RNFT2: variants seen among roughly 807,000 people sequenced by gnomAD.
The protein encoded by RNFT2 is E3 ubiquitin-protein ligase RNFT2.
A neutral mutation model predicts 53.0 loss-of-function variants in RNFT2; 36 were observed. That is an observed-to-expected ratio of 0.68 (90% CI 0.52 to 0.90). The LOEUF (loss-of-function observed/expected upper bound fraction) is 0.90. Ranked by LOEUF, RNFT2 falls within the 40% of genes least tolerant of loss-of-function variation. RNFT2 has a pLI of 0.00. For missense variants in RNFT2, 514 were observed against 585.6 expected (o/e 0.88, Z 1.26); for synonymous variants, 260 against 253.2 (o/e 1.03, Z -0.26).
intron 6 of RNFT2, among the ~76,000 whole-genome samples, chr12:116,776,617 C>T (rs1465383421): frequency 5.3e-5 from 8 of 152,260 alleles, no homozygotes; most frequent in African/African-American, 1.9e-4. Flanking sequence ...CAGACCAATC[C>T]GTTCTTAGGA....
intron 7 of RNFT2, among the ~76,000 whole-genome samples, chr12:116,816,375 C>T (rs937529347): frequency 3.3e-5 from 5 of 152,196 alleles, no homozygotes; most frequent in African/African-American, 1.2e-4. Flanking sequence ...CCCAGCAACT[C>T]TTTTGGGGCC....
chr12:116,751,200 G>T (rs1246585235), intron 4 of RNFT2, among the ~76,000 whole-genome samples: 2 of 151,884 alleles, frequency 1.3e-5, no homozygotes, highest in East Asian at 1.9e-4. Flanking sequence ...ACAGGTATGA[G>T]CCACTGCCCC....
intron 7 of RNFT2, among the ~76,000 whole-genome samples, chr12:116,816,494 T>A (rs879316539): frequency 6.6e-6 from 1 of 152,114 alleles, no homozygotes; most frequent in Non-Finnish European, 1.5e-5. Context: ...AGAGGATCTT[T>A]ATAGGAAATT....
chr12:116,836,605 G>A (rs1288864625), intron 10 of RNFT2, among the ~76,000 whole-genome samples: 1 of 152,080 alleles, frequency 6.6e-6, no homozygotes. Context: ...CTCTCTCTGA[G>A]CCTTGGTTTT....
rs184610898 is a variant in RNFT2 at position 116,785,818 on chromosome 12, A to G, written c.882+6470A>G. Among the ~76,000 whole-genome samples the G allele has an allele frequency of 1.7e-3, 258 of 152,134 alleles. 1 individual carries two copies. Among genetic ancestry groups the G allele is most frequent in the African/African-American group, 5.7e-3 (235 of 41,514 alleles). On this transcript the variant is annotated intron_variant, in intron 7 of 10. Transcript: ENST00000257575. ...AATCCCAGCACTTTGGGAGGCCAAG[A>G]TGGGTGGATCGCTCGAGTTCATGAG...
intron 7 of RNFT2, among the ~76,000 whole-genome samples, chr12:116,802,831 A>G (rs990556546): frequency 6.6e-6 from 1 of 152,182 alleles, no homozygotes; most frequent in Non-Finnish European, 1.5e-5. Flanking sequence ...GCAGTGGCTC[A>G]TGCCTGTAAT....
At chr12:116,771,059 G>C (rs1197478245) in intron 6 of RNFT2, among the ~76,000 whole-genome samples, 3 of 152,092 alleles carry the variant, frequency 2.0e-5, no homozygotes, top group African/African-American at 7.2e-5. Context: ...GAATGGTTAT[G>C]GCAGAGACCA....
intron 7 of RNFT2, among the ~76,000 whole-genome samples, chr12:116,828,326 G>A (rs1876452223): frequency 1.3e-5 from 2 of 152,312 alleles, no homozygotes; most frequent in Middle Eastern, 3.4e-3. Flanking sequence ...AGGCCTAAGA[G>A]CCTGCATTTC....
At chr12:116,779,721 C>T (rs1426951236) in intron 7 of RNFT2, among the ~76,000 whole-genome samples, 1 of 152,210 alleles carries the variant, frequency 6.6e-6, no homozygotes, top group African/African-American at 2.4e-5. Flanking sequence ...CTCTTCGTGG[C>T]TTCCAGGAGT....
chr12:116,829,502 G>C (rs140076656), intron 7 of RNFT2, among the ~76,000 whole-genome samples: 2,981 of 152,300 alleles, frequency 0.02, 56 homozygotes, highest in Middle Eastern at 0.037. Context: ...AATCAGGCAG[G>C]GGGTGAGTGA....
At chr12:116,798,130 C>T (rs1874593691) in intron 7 of RNFT2, among the ~76,000 whole-genome samples, 1 of 151,686 alleles carries the variant, frequency 6.6e-6, no homozygotes, top group South Asian at 2.1e-4. Flanking sequence ...GGAACACTGA[C>T]AGGCACAGAG....
rs1485471598 is a variant in RNFT2, at chr12:116,828,350, G to C, written c.883-5442G>C. ...AGCCTGCATTTCTAACCAGCTCCCA[G>C]GCGATGCTGATGGTGCTGGTTCATG... On this transcript the variant is annotated intron_variant, in intron 7 of 10. Coordinates refer to ENST00000257575, the MANE Select transcript of RNFT2 (RefSeq NM_001382266.1). Among the ~76,000 whole-genome samples, 3 of 152,198 alleles carry C rather than the reference G, an allele frequency of 2.0e-5. No individual in the cohort carries two copies. In the East Asian group the frequency reaches 5.8e-4, roughly 29 times the overall value.
In RNFT2 at chr12:116,852,943, A is replaced by G; in HGVS notation, c.*3495A>G. ...ATAAAACAAAATTCTCTAACACTGC[A>G]AAGAGTGAGCCATGCCTGTTAACAC... On this transcript the variant is annotated 3_prime_UTR_variant, in exon 11 of 11. Transcript: ENST00000257575. The G allele has an allele frequency of 1.7e-6, 1 of 591,236 alleles. No homozygotes were observed. Among genetic ancestry groups the G allele is most frequent in the Non-Finnish European group, 3.0e-6 (1 of 334,436 alleles). 36.6% of individuals were successfully genotyped at this position (591,236 alleles called of 1,614,324 possible). A position where few individuals can be genotyped will look rare whatever the true frequency, so the allele number is the denominator to read the frequency against.
chr12:116,756,534 T>A (rs536331864), intron 5 of RNFT2, among the ~76,000 whole-genome samples: 38 of 152,230 alleles, frequency 2.5e-4, no homozygotes, highest in Non-Finnish European at 4.4e-4. Context: ...GTTTTAATCA[T>A]AAAGGGATGC....
chr12:116,841,922 A>T lies in RNFT2; in HGVS notation c.1200+5640A>T, dbSNP rs866481963. On this transcript the variant is annotated intron_variant, in intron 10 of 10. Transcript: ENST00000257575. ...ATATATATATAAATATATATATAAA[A>T]ATATATATATATAAATATATATATA... Among the ~76,000 whole-genome samples the T allele has an allele frequency of 1.0e-3, 37 of 35,586 alleles. 1 individual carries two copies. Among genetic ancestry groups the T allele is most frequent in the Middle Eastern group, 0.014 (1 of 74 alleles). The allele number at this position is 35,586 out of a possible 152,430, so 23.3% of individuals were successfully genotyped here.
intron 4 of RNFT2, among the ~76,000 whole-genome samples, chr12:116,752,892 A>G (rs1001454924): frequency 6.6e-6 from 1 of 152,074 alleles, no homozygotes; most frequent in Non-Finnish European, 1.5e-5. Flanking sequence ...AATAAACAGT[A>G]AGTGCATCAG....
At chr12:116,824,635 T>C (rs898711772) in intron 7 of RNFT2, among the ~76,000 whole-genome samples, 9 of 152,198 alleles carry the variant, frequency 5.9e-5, no homozygotes, top group Non-Finnish European at 1.0e-4. Flanking sequence ...TGAAAGCTTC[T>C]CTGAAGTTTC....
At chr12:116,801,444 C>A (rs1196519316) in intron 7 of RNFT2, 2 of 152,180 alleles carry the variant, frequency 1.3e-5, no homozygotes, top group Admixed American at 6.6e-5. Context: ...ACATACTATA[C>A]CCTAAAATTA....
At chr12:116,771,965 C>T (rs1873218405) in intron 6 of RNFT2, among the ~76,000 whole-genome samples, 1 of 152,218 alleles carries the variant, frequency 6.6e-6, no homozygotes, top group African/African-American at 2.4e-5. Context: ...CAGTTTCCCT[C>T]CTGAGTTCCT....
Sources: gnomAD v4.1 joint callset for allele counts (sites outside exome capture counted in the v4.1 genomes callset) on GRCh38, gnomAD v4.1.1 for gene constraint, MANE v1.5 for transcripts, NCBI Gene and HGNC (gene_info 2026-07-23, HGNC 2026-07-21) for gene names.